DOCK7: variants seen among roughly 807,000 people sequenced by gnomAD.
DOCK7 encodes the protein dedicator of cytokinesis 7.
Under a neutral mutation model 271.0 loss-of-function variants are expected in DOCK7, and 138 were observed. That is an observed-to-expected ratio of 0.51 (90% CI 0.44 to 0.59). The LOEUF is 0.59. DOCK7 is among the 20% of genes least tolerant of loss of function. DOCK7 has a pLI of 0.00. For missense variants in DOCK7, 2,066 were observed against 2,592.4 expected, an observed-to-expected ratio of 0.80 and a Z score of 4.41; for synonymous variants, 823 against 876.1, an observed-to-expected ratio of 0.94 and a Z score of 1.07.
At chr1:62,637,101 T>C (rs747246222) in intron 7 of DOCK7, among the ~76,000 whole-genome samples, 5 of 152,208 alleles carry the variant, frequency 3.3e-5, no homozygotes, top group Non-Finnish European at 7.4e-5. Flanking sequence ...TATGCATAAA[T>C]GCACTTGCCA....
intron 1 of DOCK7, among the ~76,000 whole-genome samples, chr1:62,687,324 G>A (rs1661901008): frequency 6.6e-6 from 1 of 152,190 alleles, no homozygotes; most frequent in Non-Finnish European, 1.5e-5. Context: ...GTGGGAGAAA[G>A]GTGGCAACCA....
chr1:62,476,208 T>C (rs1330114143), intron 44 of DOCK7, 52 bp from the exon 45 acceptor site: 4 of 1,483,032 alleles, frequency 2.7e-6, no homozygotes, highest in South Asian at 2.3e-5. Context: ...GACTGCGAAA[T>C]AGAGAAGGCC....
At chr1:62,563,552 C>A (rs1646404523) in intron 18 of DOCK7, among the ~76,000 whole-genome samples, 1 of 151,828 alleles carries the variant, frequency 6.6e-6, no homozygotes, top group Admixed American at 6.6e-5. Flanking sequence ...CAGAAAAATA[C>A]AAGAGATTTC....
At chr1:62,493,663 T>A (rs895137773) in intron 40 of DOCK7, among the ~76,000 whole-genome samples, 11 of 152,226 alleles carry the variant, frequency 7.2e-5, no homozygotes, top group African/African-American at 2.7e-4. Flanking sequence ...CAACTTTGTT[T>A]TCCGAGAAAC....
intron 38 of DOCK7, 23 bp downstream of exon 38, chr1:62,496,316 A>G: frequency 6.2e-7 from 1 of 1,608,678 alleles, no homozygotes; most frequent in South Asian, 1.1e-5. Flanking sequence ...TCAATTAATG[A>G]TCTAGAAAGC....
chr1:62,521,160 G>A (rs959552114), intron 31 of DOCK7, among the ~76,000 whole-genome samples: 1 of 152,044 alleles, frequency 6.6e-6, no homozygotes, highest in African/African-American at 2.4e-5. Context: ...TAATTGATGG[G>A]TTGAGGGGTG....
chr1:62,539,251 A>G (rs1571456582), intron 27 of DOCK7, among the ~76,000 whole-genome samples: 1 of 152,194 alleles, frequency 6.6e-6, no homozygotes, highest in African/African-American at 2.4e-5. Context: ...ACTGCTTTAC[A>G]TTACTACTGA....
intron 1 of DOCK7, among the ~76,000 whole-genome samples, chr1:62,673,526 C>T (rs1415936839): frequency 6.6e-6 from 1 of 152,016 alleles, no homozygotes; most frequent in Non-Finnish European, 1.5e-5. Context: ...TTAACACTGA[C>T]CTGAAATTGG....
chr1:62,564,702 A>G (rs1258373603), intron 18 of DOCK7, among the ~76,000 whole-genome samples: 2 of 152,200 alleles, frequency 1.3e-5, no homozygotes, highest in Non-Finnish European at 2.9e-5. Flanking sequence ...AACTAAGATC[A>G]GAGCAGAACT....
At chr1:62,507,150 A>C (rs1646965336) in intron 35 of DOCK7, among the ~76,000 whole-genome samples, 1 of 151,940 alleles carries the variant, frequency 6.6e-6, no homozygotes, top group African/African-American at 2.4e-5. Flanking sequence ...CAATGTACAG[A>C]ATGGATGGTG....
intron 37 of DOCK7, among the ~76,000 whole-genome samples, chr1:62,501,954 T>C (rs1043993408): frequency 2.6e-5 from 4 of 152,132 alleles, no homozygotes; most frequent in South Asian, 2.1e-4. Context: ...GCAACTTATA[T>C]AACTACAAAA....
intron 48 of DOCK7, among the ~76,000 whole-genome samples, chr1:62,471,018 G>A (rs777269024): frequency 5.3e-5 from 8 of 152,192 alleles, no homozygotes; most frequent in Middle Eastern, 3.4e-3. Context: ...CAACATGAAG[G>A]CAAGGAGGAT....
intron 37 of DOCK7, among the ~76,000 whole-genome samples, chr1:62,501,496 A>C (rs1646782411): frequency 6.6e-6 from 1 of 152,214 alleles, no homozygotes. Flanking sequence ...AGTAAGAAAG[A>C]TAATTTTTTG....
rs568775092 is a variant in DOCK7 at position 62,566,857 on chromosome 1, T to C, written c.2113-5154A>G. 3.0e-4 allele frequency among the ~76,000 whole-genome samples: 46 copies of C among 151,546 alleles called. No individual in the cohort carries two copies. The South Asian group carries it at 9.4e-3, about 31-fold the overall frequency. ...CTTAAATAAATTCACAAGAAAAAAA[T>C]AAATAATCCCATCAAAAAGTTGGCA... is the stretch of plus-strand genomic sequence containing the variant. On this transcript the variant is annotated intron_variant, in intron 18 of 49. Transcript: ENST00000635253.
At chr1:62,686,548 A>C (rs1661768957) in intron 1 of DOCK7, among the ~76,000 whole-genome samples, 1 of 152,220 alleles carries the variant, frequency 6.6e-6, no homozygotes, top group Non-Finnish European at 1.5e-5. Flanking sequence ...TTTACAAAAA[A>C]AAAAAATTTC....
intron 16 of DOCK7, among the ~76,000 whole-genome samples, chr1:62,582,943 C>T (rs1647182089): frequency 6.6e-6 from 1 of 152,050 alleles, no homozygotes; most frequent in Non-Finnish European, 1.5e-5. Flanking sequence ...TAATCAATAA[C>T]AATATAATAA....
chr1:62,683,282 G>A (rs1464541478), intron 1 of DOCK7, among the ~76,000 whole-genome samples: 7 of 152,172 alleles, frequency 4.6e-5, no homozygotes, highest in Admixed American at 3.9e-4. Context: ...TGTTCCGCAA[G>A]ATAAAACAGG....
intron 6 of DOCK7, 137 bp downstream of exon 6, chr1:62,647,969 T>C (rs1264973870): frequency 1.2e-6 from 1 of 855,756 alleles, no homozygotes; most frequent in Non-Finnish European, 1.8e-6. Flanking sequence ...TTCACTAGTA[T>C]AAAATGTATT....
At chr1:62,526,700 A>G (rs1180077880) in intron 31 of DOCK7, among the ~76,000 whole-genome samples, 2 of 152,218 alleles carry the variant, frequency 1.3e-5, no homozygotes, top group Admixed American at 1.3e-4. Context: ...AAATGGATAA[A>G]CAAACTTTGG....
Sources: gnomAD v4.1 joint callset for allele counts (sites outside exome capture counted in the v4.1 genomes callset) on GRCh38, gnomAD v4.1.1 for gene constraint, MANE v1.5 for transcripts, NCBI Gene and HGNC (gene_info 2026-07-23, HGNC 2026-07-21) for gene names.